The following DNAJC13 variants were observed in gnomAD, a reference collection of about 807,000 sequenced individuals.
The protein encoded by DNAJC13 is DnaJ heat shock protein family (Hsp40) member C13.
Under a neutral mutation model 290.5 loss-of-function variants are expected in DNAJC13, and 75 were observed. The observed-to-expected ratio is 0.26, with a 90% CI of 0.21 to 0.31. The LOEUF is 0.31. DNAJC13 is among the 10% of genes least tolerant of loss of function. DNAJC13 has a pLI of 1.00. For synonymous variants in DNAJC13, 862 were observed against 892.0 expected (o/e 0.97, Z 0.60); for missense variants, 2,260 against 2,674.5 (o/e 0.85, Z 3.42).
intron 6 of DNAJC13, among the ~76,000 whole-genome samples, chr3:132,451,541 CTA>C (rs1481416015): frequency 3.3e-5 from 5 of 152,132 alleles, no homozygotes; most frequent in South Asian, 2.1e-4. Flanking sequence ...GTATATATAA[CTA>C]TTTTTTTTTA....
intron 29 of DNAJC13, among the ~76,000 whole-genome samples, chr3:132,486,970 G>A (rs958066155): frequency 1.3e-5 from 2 of 152,064 alleles, no homozygotes; most frequent in Non-Finnish European, 2.9e-5. Flanking sequence ...GTGTGTGTGC[G>A]TGCTTGTGTG....
chr3:132,425,321 G>A (rs1007009761), intron 1 of DNAJC13, among the ~76,000 whole-genome samples: 1 of 152,128 alleles, frequency 6.6e-6, no homozygotes, highest in African/African-American at 2.4e-5. Flanking sequence ...TTGGAATGTA[G>A]CATTGTTTCT....
chr3:132,514,488 A>C (rs1404930893), intron 45 of DNAJC13, 83 bp from the exon 46 acceptor site: 1 of 870,666 alleles, frequency 1.1e-6, no homozygotes, highest in Non-Finnish European at 1.8e-6. Context: ...CATTTGTCTC[A>C]CTTGTACAGT....
At chr3:132,529,786 CAAAAA>C (rs11402210) in intron 54 of DNAJC13, among the ~76,000 whole-genome samples, 1 of 92,846 alleles carries the variant, frequency 1.1e-5, no homozygotes, top group East Asian at 3.0e-4. Context: ...GACTCTGTCT[CAAAAA>C]AAAAAAAAAA....
At chr3:132,487,352 G>C (rs1415620439) in intron 29 of DNAJC13, among the ~76,000 whole-genome samples, 1 of 152,002 alleles carries the variant, frequency 6.6e-6, no homozygotes, top group Non-Finnish European at 1.5e-5. Context: ...CGCCTCCCGG[G>C]TTTAAGCAAT....
intron 27 of DNAJC13, among the ~76,000 whole-genome samples, chr3:132,483,163 T>C (rs1934736667): frequency 6.6e-6 from 1 of 152,174 alleles, no homozygotes; most frequent in South Asian, 2.1e-4. Context: ...CTTTATGCTC[T>C]GCAGGCTGGC....
chr3:132,529,287 T>A (rs2107752045), intron 54 of DNAJC13, among the ~76,000 whole-genome samples: 1 of 152,374 alleles, frequency 6.6e-6, no homozygotes, highest in East Asian at 1.9e-4. Context: ...TATGTCTAAA[T>A]ATGTCATTGT....
rs185365064 is a variant in DNAJC13 at position 132,522,737 on chromosome 3, T to C, written c.5674-91T>C. 449 of 1,068,618 alleles carry C rather than the reference T, an allele frequency of 4.2e-4. 1 individual carries two copies. Among genetic ancestry groups the C allele is most frequent in the Admixed American group, 9.3e-4 (34 of 36,428 alleles). The allele number at this position is 1,068,618 out of a possible 1,614,324, so 66.2% of individuals were successfully genotyped here. A position where few individuals can be genotyped will look rare whatever the true frequency, so the allele number is the denominator to read the frequency against. ...CCCACATAAGTCATAACACAAATTATGTTGATATTCTATCTTATTAGCAAA... is the reference window on the plus strand; with the variant it reads ...CCCACATAAGTCATAACACAAATTACGTTGATATTCTATCTTATTAGCAAA... On this transcript the variant is annotated intron_variant, in intron 48 of 55. Coordinates refer to ENST00000260818, the MANE Select transcript of DNAJC13 (RefSeq NM_015268.4).
intron 13 of DNAJC13, 163 bp downstream of exon 13, chr3:132,457,531 G>A (rs1435026258): frequency 3.1e-5 from 18 of 581,382 alleles, no homozygotes; most frequent in Non-Finnish European, 5.1e-5. Flanking sequence ...TAAATACCAG[G>A]CAATGTGCTG....
At chr3:132,448,954 A>T (rs1478142047) in intron 5 of DNAJC13, among the ~76,000 whole-genome samples, 3 of 152,132 alleles carry the variant, frequency 2.0e-5, no homozygotes, top group African/African-American at 7.2e-5. Flanking sequence ...TCTGTTTGGG[A>T]AACAACTGCT....
rs563857120 is a variant in DNAJC13 at position 132,523,282 on chromosome 3, T to G, written c.5886+83T>G. On this transcript the variant is annotated intron_variant, in intron 50 of 55. Transcript: ENST00000260818. ...CTACTGAGTCAGTTTAATGCCGACC[T>G]ATAACTACTTTGTCATCAAGACTCT... The G allele has an allele frequency of 2.3e-4, 332 of 1,459,936 alleles. No homozygotes were observed. In the African/African-American group the frequency reaches 4.1e-3, roughly 18 times the overall value. 90.4% of individuals were successfully genotyped at this position (1,459,936 alleles called of 1,614,324 possible). A position where few individuals can be genotyped will look rare whatever the true frequency, so the allele number is the denominator to read the frequency against.
intron 55 of DNAJC13, chr3:132,537,372 C>G: frequency 2.6e-6 from 1 of 392,010 alleles, no homozygotes; most frequent in South Asian, 1.9e-5. Flanking sequence ...TCAGCTAAAA[C>G]TATTGCTCAG....
In DNAJC13 at chr3:132,496,501, C is replaced by A. The variant is rs777088556; in HGVS notation, c.4021-27C>A. 9.8e-6 allele frequency: 15 copies of A among 1,529,274 alleles called. No individual in the cohort carries two copies. In the African/African-American group the frequency reaches 2.1e-4, roughly 22 times the overall value. 94.7% of individuals were successfully genotyped at this position (1,529,274 alleles called of 1,614,324 possible). On this transcript the variant is annotated intron_variant, in intron 35 of 55. Transcript: ENST00000260818. ...TGAATTTTGCGACATTCCAAATTAA[C>A]GTTAAATTATCTTCTGTTACATACA...
At chr3:132,444,868 G>C (rs879743160) in intron 2 of DNAJC13, among the ~76,000 whole-genome samples, 1 of 152,038 alleles carries the variant, frequency 6.6e-6, no homozygotes, top group African/African-American at 2.4e-5. Context: ...TTTTGTTAGA[G>C]GGAAGTGCTA....
intron 8 of DNAJC13, 114 bp downstream of exon 8, chr3:132,453,808 C>T: frequency 1.2e-6 from 1 of 858,994 alleles, no homozygotes; most frequent in East Asian, 2.5e-5. Flanking sequence ...TGGACAGAAT[C>T]TGTATTTAAC....
chr3:132,525,534 A>T, intron 51 of DNAJC13, 76 bp from the exon 52 acceptor site: 1 of 1,469,540 alleles, frequency 6.8e-7, no homozygotes, highest in South Asian at 1.3e-5. Flanking sequence ...AGTTTTGAAC[A>T]CCAAATACAT....
At chr3:132,443,587 G>C (rs538861232) in intron 2 of DNAJC13, among the ~76,000 whole-genome samples, 113 of 152,234 alleles carry the variant, frequency 7.4e-4, no homozygotes, top group Non-Finnish European at 1.4e-3. Context: ...TTGTTATCCA[G>C]GGAGGCTTTT....
chr3:132,507,490 A>C, intron 43 of DNAJC13, 137 bp downstream of exon 43: 1 of 639,014 alleles, frequency 1.6e-6, no homozygotes, highest in South Asian at 2.1e-5. Context: ...TTTTTTAACA[A>C]ATCAAAGGTT....
At chr3:132,470,876 C>T (rs1337193559) in intron 20 of DNAJC13, among the ~76,000 whole-genome samples, 15 of 121,046 alleles carry the variant, frequency 1.2e-4, no homozygotes, top group South Asian at 5.6e-4. Flanking sequence ...ACAGGGCGGC[C>T]GGCCGGGCGG....
Sources: gnomAD v4.1 joint callset for allele counts (sites outside exome capture counted in the v4.1 genomes callset) on GRCh38, gnomAD v4.1.1 for gene constraint, MANE v1.5 for transcripts, NCBI Gene and HGNC (gene_info 2026-07-23, HGNC 2026-07-21) for gene names.